FYB2: variants seen among roughly 807,000 people sequenced by gnomAD.
The protein encoded by FYB2 is FYN-binding protein 2.
FYB2 carries 103 observed loss-of-function variants against 94.1 expected under a neutral mutation model. That is an observed-to-expected ratio of 1.09 (90% CI 0.93 to 1.29). The LOEUF (loss-of-function observed/expected upper bound fraction) is 1.29. Among genes scored for constraint, FYB2 ranks in the 50% most tolerant of loss-of-function variants. The pLI is 0.00. For synonymous variants in FYB2, 293 were observed against 287.9 expected (o/e 1.02, Z -0.18); for missense variants, 896 against 841.5 (o/e 1.06, Z -0.80).
chr1:56,813,259 T>C (rs926089541), intron 1 of FYB2, among the ~76,000 whole-genome samples: 5 of 151,924 alleles, frequency 3.3e-5, no homozygotes, highest in Non-Finnish European at 5.9e-5. Context: ...GGGTAATTTA[T>C]AAAGAAAAAG....
intron 1 of FYB2, among the ~76,000 whole-genome samples, chr1:56,816,103 T>A (rs1311880425): frequency 6.6e-6 from 1 of 152,192 alleles, no homozygotes; most frequent in Non-Finnish European, 1.5e-5. Context: ...TATCTGTTAA[T>A]GAAAACAAAC....
At position 56,778,924 on chromosome 1, in the gene FYB2, A is replaced by T. The variant is rs1230242264; in HGVS notation, c.953+8251T>A. On this transcript the variant is annotated intron_variant, in intron 4 of 19. Transcript: ENST00000343433. The stretch of plus-strand genomic sequence containing the variant: ...GGCACATAGTTGGAGTTCAATAATT[A>T]TTGAATGAATAAATAAAAAATGAAT... Among the ~76,000 whole-genome samples the T allele has an allele frequency of 2.0e-5, 3 of 152,190 alleles. No homozygotes were observed. In the East Asian group the frequency reaches 5.8e-4, roughly 29 times the overall value.
chr1:56,749,928 A>AT (rs1645155940), intron 9 of FYB2, among the ~76,000 whole-genome samples: 1 of 152,032 alleles, frequency 6.6e-6, no homozygotes, highest in Non-Finnish European at 1.5e-5. Flanking sequence ...GTTTTAAAAA[A>AT]TTTATTCTTC....
chr1:56,805,906 C>A lies in FYB2; in HGVS notation c.10-13103G>T, dbSNP rs572515491. Among the ~76,000 whole-genome samples, 3 of 152,284 alleles carry A rather than the reference C, an allele frequency of 2.0e-5. No individual in the cohort carries two copies. The South Asian group carries it at 6.2e-4, about 32-fold the overall frequency. On this transcript the variant is annotated intron_variant, in intron 1 of 19. Transcript: ENST00000343433. ...ATGGAACTGTAAGTCCATTAAACCC[C>A]TTTTGCTGTATAAATTACCCAGTCT...
chr1:56,772,500 A>G (rs986769150), intron 4 of FYB2, among the ~76,000 whole-genome samples: 2 of 152,156 alleles, frequency 1.3e-5, no homozygotes, highest in African/African-American at 4.8e-5. Flanking sequence ...TACAATGTGG[A>G]TCAATATACA....
upstream of FYB2, among the ~76,000 whole-genome samples, chr1:56,821,122 C>G (rs1389182334): frequency 6.6e-6 from 1 of 152,210 alleles, no homozygotes; most frequent in Non-Finnish European, 1.5e-5. Context: ...GTAAATAAAA[C>G]AGTGGAGGAA....
At chr1:56,803,927 C>T (rs112745721) in intron 1 of FYB2, among the ~76,000 whole-genome samples, 218 of 152,334 alleles carry the variant, frequency 1.4e-3, no homozygotes, top group Non-Finnish European at 2.6e-3. Flanking sequence ...TCTTTCTCCT[C>T]AGACCTCTTC....
At chr1:56,823,970 A>G (rs1045289448), upstream of FYB2, 3 of 152,230 alleles carry the variant, frequency 2.0e-5, no homozygotes, top group Non-Finnish European at 4.4e-5. Flanking sequence ...CATCATCCAG[A>G]AAAGTGAGTC....
At chr1:56,765,905 C>A (rs934181781) in intron 5 of FYB2, among the ~76,000 whole-genome samples, 2 of 152,170 alleles carry the variant, frequency 1.3e-5, no homozygotes, top group African/African-American at 4.8e-5. Flanking sequence ...TCTGTTCCAT[C>A]TTCCCAGAAA....
intron 12 of FYB2, among the ~76,000 whole-genome samples, 157 bp downstream of exon 12, chr1:56,742,004 C>T (rs1172776575): frequency 1.3e-5 from 2 of 148,590 alleles, no homozygotes; most frequent in Non-Finnish European, 3.0e-5. Flanking sequence ...AATAGGTTAT[C>T]ATAACTCTCA....
At chr1:56,752,048 G>A (rs956483993) in intron 8 of FYB2, among the ~76,000 whole-genome samples, 3 of 151,984 alleles carry the variant, frequency 2.0e-5, no homozygotes, top group Non-Finnish European at 2.9e-5. Flanking sequence ...ACAAAAAAAA[G>A]GCACAGGGGA....
intron 1 of FYB2, among the ~76,000 whole-genome samples, chr1:56,814,922 C>T (rs944312926): frequency 2.0e-5 from 3 of 152,102 alleles, no homozygotes; most frequent in Non-Finnish European, 4.4e-5. Context: ...ATAAGCCAGG[C>T]GTGACCTTGG....
chr1:56,804,215 C>T (rs1350637903), intron 1 of FYB2, among the ~76,000 whole-genome samples: 1 of 152,166 alleles, frequency 6.6e-6, no homozygotes, highest in Non-Finnish European at 1.5e-5. Flanking sequence ...TCCATGAACT[C>T]CTTGAGGTCA....
intron 4 of FYB2, among the ~76,000 whole-genome samples, chr1:56,770,289 C>T (rs992094650): frequency 6.6e-6 from 1 of 152,064 alleles, no homozygotes; most frequent in African/African-American, 2.4e-5. Context: ...TAGTACACAC[C>T]TCCACTCTTC....
chr1:56,819,488 G>T (rs767704531), upstream of FYB2: 3 of 697,412 alleles, frequency 4.3e-6, no homozygotes, highest in Non-Finnish European at 7.2e-6. Flanking sequence ...AGGGCCGGCC[G>T]CCATCCTCCC....
At chr1:56,813,222 G>C (rs758501494) in intron 1 of FYB2, among the ~76,000 whole-genome samples, 1 of 152,100 alleles carries the variant, frequency 6.6e-6, no homozygotes, top group East Asian at 1.9e-4. Flanking sequence ...CCGTTCTTAC[G>C]CTGCTAATAA....
intron 9 of FYB2, among the ~76,000 whole-genome samples, chr1:56,747,723 T>A (rs857114): frequency 0.22 from 34,200 of 152,078 alleles, 3,950 homozygotes; most frequent in South Asian, 0.33. Flanking sequence ...TGTGCATGTA[T>A]CTTTATAGTA....
At chr1:56,722,516 AAG>A (rs1010214287) in intron 17 of FYB2, among the ~76,000 whole-genome samples, 2 of 152,078 alleles carry the variant, frequency 1.3e-5, no homozygotes, top group Non-Finnish European at 2.9e-5. Context: ...CTTCCTGGAG[AAG>A]AGGAGATGCC....
intron 1 of FYB2, among the ~76,000 whole-genome samples, chr1:56,801,403 C>T (rs371576760): frequency 9.1e-4 from 139 of 152,282 alleles, no homozygotes; most frequent in African/African-American, 3.2e-3. Flanking sequence ...CCTGATCACT[C>T]CCTTTTATTT....
Sources: gnomAD v4.1 joint callset for allele counts (sites outside exome capture counted in the v4.1 genomes callset) on GRCh38, gnomAD v4.1.1 for gene constraint, MANE v1.5 for transcripts, NCBI Gene and HGNC (gene_info 2026-07-23, HGNC 2026-07-21) for gene names.